Variants in MTUS1 observed in about 807,000 individuals in gnomAD.
MTUS1 encodes the protein microtubule-associated tumor suppressor 1.
Under a neutral mutation model 120.8 loss-of-function variants are expected in MTUS1, and 109 were observed. The ratio of observed to expected loss-of-function variants is 0.90; its 90% CI spans 0.77 to 1.06. The LOEUF (loss-of-function observed/expected upper bound fraction) is 1.06. MTUS1 is among the 50% of genes least tolerant of loss of function. MTUS1 has a pLI of 0.00. For synonymous variants in MTUS1, 737 were observed against 550.5 expected, an observed-to-expected ratio of 1.34 and a Z score of -4.74; for missense variants, 2,210 against 1,486.3, an observed-to-expected ratio of 1.49 and a Z score of -8.01.
chr8:17,655,946 CTT>C lies in MTUS1; in HGVS notation c.3023_3024del (p.Lys1008ArgfsTer8). On this transcript the variant is annotated frameshift_variant, in exon 9 of 15. Coordinates refer to ENST00000693296, the MANE Select transcript of MTUS1 (RefSeq NM_001363059.2). LOFTEE classifies it high-confidence loss of function. ...AEKTERENRL[K>X]EFYTREYEKL... ...TTTTCATACTCCCTGGTGTAAAACTCTTTAAGCCGATTCTCTCGTTCTGTTTT... is the reference window on the plus strand; with the variant it reads ...TTTTCATACTCCCTGGTGTAAAACTCTAAGCCGATTCTCTCGTTCTGTTTT... 1 of 1,614,188 alleles carries C rather than the reference CTT, an allele frequency of 6.2e-7. No homozygotes were observed. The highest frequency in any genetic ancestry group is 8.5e-7 in the Non-Finnish European group (1 of 1,180,026).
chr8:17,787,827 A>C (rs1434542100), intron 1 of MTUS1, among the ~76,000 whole-genome samples: 1 of 152,218 alleles, frequency 6.6e-6, no homozygotes, highest in Admixed American at 6.5e-5. Flanking sequence ...TCATCCAGTC[A>C]CGAAGACTTT....
chr8:17,739,007 C>A (rs551866934), intron 3 of MTUS1, among the ~76,000 whole-genome samples: 11 of 151,640 alleles, frequency 7.3e-5, no homozygotes, highest in African/African-American at 2.7e-4. Flanking sequence ...GCTGGGCATG[C>A]TGACACACAT....
At chr8:17,737,462 A>G (rs2047014116) in intron 3 of MTUS1, among the ~76,000 whole-genome samples, 1 of 152,246 alleles carries the variant, frequency 6.6e-6, no homozygotes, top group African/African-American at 2.4e-5. Context: ...AAATATAGAA[A>G]CATCTATTAG....
At chr8:17,758,381 G>C (rs1563340409) in intron 1 of MTUS1, among the ~76,000 whole-genome samples, 1 of 152,108 alleles carries the variant, frequency 6.6e-6, no homozygotes, top group Non-Finnish European at 1.5e-5. Context: ...AAGCGATTTT[G>C]AATCCAAAAA....
At chr8:17,780,366 T>C (rs2050779756) in intron 1 of MTUS1, among the ~76,000 whole-genome samples, 1 of 152,210 alleles carries the variant, frequency 6.6e-6, no homozygotes. Context: ...CTCTTTTCTT[T>C]ATACATTACC....
chr8:17,708,521 A>C (rs1013031088), intron 6 of MTUS1, among the ~76,000 whole-genome samples: 9 of 152,244 alleles, frequency 5.9e-5, no homozygotes, highest in African/African-American at 2.2e-4. Flanking sequence ...TGGTCCAGCC[A>C]CTTTGGAAAA....
intron 1 of MTUS1, among the ~76,000 whole-genome samples, chr8:17,797,850 G>A (rs2052371037): frequency 6.6e-6 from 1 of 152,180 alleles, no homozygotes; most frequent in East Asian, 1.9e-4. Context: ...TTCCTTTAGT[G>A]AGGACTTTCA....
At chr8:17,750,551 G>A (rs547109528) in intron 2 of MTUS1, among the ~76,000 whole-genome samples, 10 of 152,210 alleles carry the variant, frequency 6.6e-5, no homozygotes, top group Non-Finnish European at 1.3e-4. Flanking sequence ...TCAAGTGAGG[G>A]CTCTGAGTGT....
chr8:17,765,457 A>G (rs2049403874), intron 1 of MTUS1, among the ~76,000 whole-genome samples: 1 of 151,886 alleles, frequency 6.6e-6, no homozygotes, highest in East Asian at 1.9e-4. Context: ...CTTTCTCTAC[A>G]AAATATACAA....
intron 6 of MTUS1, among the ~76,000 whole-genome samples, chr8:17,695,663 A>C (rs1156540204): frequency 6.6e-6 from 1 of 152,244 alleles, no homozygotes; most frequent in Non-Finnish European, 1.5e-5. Flanking sequence ...GGTTAAGTAA[A>C]TCATGACTTA....
intron 4 of MTUS1, chr8:17,722,016 G>A: frequency 7.1e-7 from 1 of 1,404,318 alleles, no homozygotes; most frequent in Non-Finnish European, 9.2e-7. Context: ...AAATGCGTAA[G>A]CTCCAAGGCA....
At chr8:17,710,501 G>C (rs1224111001) in intron 6 of MTUS1, among the ~76,000 whole-genome samples, 1 of 152,156 alleles carries the variant, frequency 6.6e-6, no homozygotes, top group Non-Finnish European at 1.5e-5. Flanking sequence ...TCACACCTTA[G>C]GCTTCACTTC....
At chr8:17,737,916 TA>T (rs1483159026) in intron 3 of MTUS1, among the ~76,000 whole-genome samples, 2 of 152,266 alleles carry the variant, frequency 1.3e-5, no homozygotes, top group East Asian at 1.9e-4. Flanking sequence ...TAGAAAAGTT[TA>T]AAAGGATATA....
chr8:17,683,967 T>C (rs1815177872), intron 7 of MTUS1, among the ~76,000 whole-genome samples: 1 of 152,140 alleles, frequency 6.6e-6, no homozygotes, highest in South Asian at 2.1e-4. Flanking sequence ...TTCAAAGCAT[T>C]AAACTAAGTG....
chr8:17,710,856 G>A (rs1821138808), intron 6 of MTUS1, among the ~76,000 whole-genome samples: 1 of 152,148 alleles, frequency 6.6e-6, no homozygotes, highest in African/African-American at 2.4e-5. Flanking sequence ...TAGCAGGTGT[G>A]AAAACATCCA....
At chr8:17,737,104 G>C (rs961316619) in intron 3 of MTUS1, among the ~76,000 whole-genome samples, 8 of 152,144 alleles carry the variant, frequency 5.3e-5, no homozygotes, top group African/African-American at 1.4e-4. Context: ...CATGAAAGAA[G>C]ACAGGAGTGT....
chr8:17,721,825 G>C, intron 4 of MTUS1: 1 of 1,614,020 alleles, frequency 6.2e-7, no homozygotes, highest in Non-Finnish European at 8.5e-7. Context: ...AGCCGGTGGG[G>C]TGAGTGTAGA....
chr8:17,676,684 A>C (rs1455106232), intron 7 of MTUS1, among the ~76,000 whole-genome samples: 3 of 152,168 alleles, frequency 2.0e-5, no homozygotes, highest in Non-Finnish European at 2.9e-5. Context: ...TGCATGGATA[A>C]TGGAGTTATT....
At chr8:17,717,294 T>C (rs776836205) in intron 4 of MTUS1, among the ~76,000 whole-genome samples, 19 of 152,204 alleles carry the variant, frequency 1.2e-4, no homozygotes, top group South Asian at 4.1e-4. Flanking sequence ...ACCTAGAGAC[T>C]TGGCTTTTCC....
Sources: gnomAD v4.1 joint callset for allele counts (sites outside exome capture counted in the v4.1 genomes callset) on GRCh38, gnomAD v4.1.1 for gene constraint, MANE v1.5 for transcripts, NCBI Gene and HGNC (gene_info 2026-07-23, HGNC 2026-07-21) for gene names.